The following RPSA2 variants were observed in gnomAD, a reference collection of about 807,000 sequenced individuals.
RPSA2 encodes the protein small ribosomal subunit protein uS2B.
At chr19:23,864,744 C>T in the RPSA2 span, among the ~76,000 whole-genome samples, 3 of 152,056 alleles carry the variant, frequency 2.0e-5, no homozygotes, top group East Asian at 3.8e-4. Flanking sequence ...CACGCATATG[C>T]TTAGGTCACA....
At chr19:23,834,339 T>G in the RPSA2 span, among the ~76,000 whole-genome samples, 1 of 151,934 alleles carries the variant, frequency 6.6e-6, no homozygotes, top group South Asian at 2.1e-4. Context: ...TCCTGGTTTA[T>G]TCAAATGTGA....
the RPSA2 span, among the ~76,000 whole-genome samples, chr19:23,820,506 T>C: frequency 3.3e-5 from 5 of 152,014 alleles, no homozygotes; most frequent in South Asian, 1.0e-3. Flanking sequence ...TTTTCTAGAG[T>C]GTGGAGCAGT....
chr19:23,760,444 G>A, the RPSA2 span, among the ~76,000 whole-genome samples: 3 of 151,932 alleles, frequency 2.0e-5, no homozygotes, highest in Non-Finnish European at 4.4e-5. Flanking sequence ...TGTCATGAAC[G>A]ATGATGTTGA....
chr19:23,851,386 CAA>C, the RPSA2 span, among the ~76,000 whole-genome samples: 7 of 152,078 alleles, frequency 4.6e-5, no homozygotes, highest in Non-Finnish European at 7.4e-5. Flanking sequence ...TCTTGGGTTG[CAA>C]AAGAGACCAA....
chr19:23,806,064 A>G, the RPSA2 span, among the ~76,000 whole-genome samples: 1 of 15,500 alleles, frequency 6.5e-5, no homozygotes, highest in Non-Finnish European at 1.5e-4. Context: ...TTTTTTTTTG[A>G]GACGGAACCT....
chr19:23,854,597 C>T, the RPSA2 span, among the ~76,000 whole-genome samples: 2 of 152,192 alleles, frequency 1.3e-5, no homozygotes, highest in Non-Finnish European at 2.9e-5. Context: ...CTTAGAATGG[C>T]AAGTACTTGC....
chr19:23,778,552 T>A, the RPSA2 span, among the ~76,000 whole-genome samples: 1 of 152,122 alleles, frequency 6.6e-6, no homozygotes, highest in African/African-American at 2.4e-5. Context: ...ATAGTAGAGA[T>A]CGTGACCTAT....
At chr19:23,833,768 A>C in the RPSA2 span, among the ~76,000 whole-genome samples, 1 of 152,094 alleles carries the variant, frequency 6.6e-6, no homozygotes, top group Non-Finnish European at 1.5e-5. Flanking sequence ...TATGTCTTTA[A>C]AGTGCAGAAG....
the RPSA2 span, among the ~76,000 whole-genome samples, chr19:23,783,063 G>A: frequency 6.9e-6 from 1 of 144,712 alleles, no homozygotes; most frequent in African/African-American, 2.6e-5. Flanking sequence ...TCTCCTGCCT[G>A]AGATCTGCAT....
At chr19:23,794,395 G>A in the RPSA2 span, among the ~76,000 whole-genome samples, 2 of 152,134 alleles carry the variant, frequency 1.3e-5, no homozygotes, top group Non-Finnish European at 2.9e-5. Context: ...CCTTCTCACT[G>A]ATGTGAGATG....
At chr19:23,777,546 G>C in the RPSA2 span, among the ~76,000 whole-genome samples, 3 of 152,088 alleles carry the variant, frequency 2.0e-5, no homozygotes, top group African/African-American at 7.2e-5. Flanking sequence ...TGACACCTAG[G>C]GGATGAGAGA....
the RPSA2 span, among the ~76,000 whole-genome samples, chr19:23,794,409 T>C: frequency 2.6e-5 from 4 of 152,216 alleles, no homozygotes; most frequent in Admixed American, 2.6e-4. Context: ...TGAGATGGCA[T>C]CTTGTGGTTT....
chr19:23,817,444 A>G, the RPSA2 span, among the ~76,000 whole-genome samples: 1 of 152,244 alleles, frequency 6.6e-6, no homozygotes, highest in Non-Finnish European at 1.5e-5. Context: ...TGCAGATTGT[A>G]TTCTGTTTTA....
At chr19:23,850,647 A>C in the RPSA2 span, among the ~76,000 whole-genome samples, 1 of 151,710 alleles carries the variant, frequency 6.6e-6, no homozygotes, top group Admixed American at 6.6e-5. Context: ...CTGGTGAAAC[A>C]CAAGCATACC....
the RPSA2 span, among the ~76,000 whole-genome samples, chr19:23,758,537 T>G: frequency 6.6e-6 from 1 of 152,194 alleles, no homozygotes; most frequent in African/African-American, 2.4e-5. Context: ...CAGAGAGAGC[T>G]GCAGGCCAGG....
chr19:23,798,742 A>G, the RPSA2 span, among the ~76,000 whole-genome samples: 2 of 152,196 alleles, frequency 1.3e-5, no homozygotes, highest in African/African-American at 2.4e-5. Flanking sequence ...AATTTAACCA[A>G]TAGAGATAAT....
At chr19:23,778,861 C>T in the RPSA2 span, among the ~76,000 whole-genome samples, 5 of 152,032 alleles carry the variant, frequency 3.3e-5, no homozygotes, top group African/African-American at 9.7e-5. Flanking sequence ...TAGCTTTACT[C>T]AGCCCCTAGG....
the RPSA2 span, among the ~76,000 whole-genome samples, chr19:23,853,104 G>T: frequency 6.6e-6 from 1 of 152,230 alleles, no homozygotes; most frequent in Non-Finnish European, 1.5e-5. Flanking sequence ...GGGCTATTCA[G>T]CATTCCCTGA....
the RPSA2 span, among the ~76,000 whole-genome samples, chr19:23,776,561 G>A: frequency 1.3e-5 from 2 of 152,132 alleles, no homozygotes; most frequent in Admixed American, 6.5e-5. Flanking sequence ...CTGCCTGCAG[G>A]AGCCATTGTG....
Sources: gnomAD v4.1 joint callset for allele counts (sites outside exome capture counted in the v4.1 genomes callset) on GRCh38, gnomAD v4.1.1 for gene constraint, MANE v1.5 for transcripts, NCBI Gene and HGNC (gene_info 2026-07-23, HGNC 2026-07-21) for gene names.